The following CALD1 variants were observed in gnomAD, a reference collection of about 807,000 sequenced individuals.
CALD1 encodes caldesmon 1.
In CALD1, 33 loss-of-function variants were observed where a neutral mutation model predicts 99.9. The ratio of observed to expected loss-of-function variants is 0.33; its 90% CI spans 0.25 to 0.44. The LOEUF is 0.44. Ranked by LOEUF, CALD1 falls within the 20% of genes least tolerant of loss-of-function variation. The pLI, the probability that CALD1 is intolerant of heterozygous loss-of-function variation, is 1.00. For synonymous variants in CALD1, 310 were observed against 325.0 expected (o/e 0.95, Z 0.50); for missense variants, 861 against 962.1 (o/e 0.89, Z 1.39).
At chr7:134,891,890 T>A (rs1193011251) in intron 3 of CALD1, among the ~76,000 whole-genome samples, 2 of 152,064 alleles carry the variant, frequency 1.3e-5, no homozygotes, top group East Asian at 3.9e-4. Context: ...ATTCGCTGGC[T>A]TTTCTCGTTT....
rs571321186 is a variant in CALD1 at position 134,934,925 on chromosome 7, G to C, written c.1309-763G>C. On this transcript the variant is annotated intron_variant, in intron 5 of 14. Coordinates refer to ENST00000361675, the MANE Select transcript of CALD1 (RefSeq NM_033138.4). ...AACAAAAAGGCAAAAACAAACCCCTGGAAATTAACTGGTAATAAAGAGGGG... is the reference window on the plus strand; with the variant it reads ...AACAAAAAGGCAAAAACAAACCCCTCGAAATTAACTGGTAATAAAGAGGGG... Among the ~76,000 whole-genome samples, 3 of 151,746 alleles carry C rather than the reference G, an allele frequency of 2.0e-5. No individual in the cohort carries two copies. The South Asian group carries it at 6.2e-4, about 32-fold the overall frequency.
At chr7:134,769,033 C>G (rs1288847022) in intron 1 of CALD1, among the ~76,000 whole-genome samples, 1 of 151,256 alleles carries the variant, frequency 6.6e-6, no homozygotes, top group Non-Finnish European at 1.5e-5. Context: ...GTATAATACC[C>G]CATCCTATTC....
At chr7:134,731,682 A>T in the CALD1 span, among the ~76,000 whole-genome samples, 1 of 150,978 alleles carries the variant, frequency 6.6e-6, no homozygotes, top group East Asian at 1.9e-4. Context: ...TCCAAATATA[A>T]GTTTTTTCTA....
At chr7:134,862,266 G>A (rs1800595329) in intron 2 of CALD1, among the ~76,000 whole-genome samples, 1 of 152,204 alleles carries the variant, frequency 6.6e-6, no homozygotes, top group African/African-American at 2.4e-5. Context: ...GAGAGAAATA[G>A]TGGATTAGTC....
At chr7:134,887,854 CTG>C (rs1250179056) in intron 3 of CALD1, among the ~76,000 whole-genome samples, 8 of 150,176 alleles carry the variant, frequency 5.3e-5, no homozygotes, top group African/African-American at 2.5e-5. Flanking sequence ...GTGTGTGTGC[CTG>C]TGTGTGCATG....
At position 134,941,128 on chromosome 7, in the gene CALD1, A is replaced by G. The variant is rs1806393253; in HGVS notation, c.1423A>G (p.Lys475Glu). ...AAAGATTAAAAAGGACAAAGAACCC[A>G]AAGAAGAAGTTAAGAGCTTCATGGA... ...DEKIKKDKEP[K>E]EEVKSFMDRK... The change falls in exon 7 of 15, where the codon AAA becomes GAA. Residue 475 changes from lysine to glutamate, a missense_variant. Coordinates refer to ENST00000361675, the MANE Select transcript of CALD1 (RefSeq NM_033138.4). The G allele has an allele frequency of 1.9e-6, 3 of 1,612,078 alleles. No individual in the cohort carries two copies. The highest frequency in any genetic ancestry group is 1.3e-5 in the African/African-American group (1 of 74,726).
At chr7:134,729,405 C>A in the CALD1 span, among the ~76,000 whole-genome samples, 3 of 152,224 alleles carry the variant, frequency 2.0e-5, no homozygotes, top group Admixed American at 2.0e-4. Flanking sequence ...TTTCCGATGT[C>A]TACCTGTTTA....
intron 1 of CALD1, among the ~76,000 whole-genome samples, chr7:134,786,384 A>ATTTTG (rs1322565182): frequency 2.0e-5 from 3 of 152,230 alleles, no homozygotes; most frequent in African/African-American, 4.8e-5. Context: ...GAGTGGACTT[A>ATTTTG]AAACATATAA....
chr7:134,812,334 G>C (rs73724862), intron 1 of CALD1, among the ~76,000 whole-genome samples: 6,698 of 152,220 alleles, frequency 0.044, 477 homozygotes, highest in African/African-American at 0.15. Flanking sequence ...TGTGGTTCGA[G>C]TTCTTGTAAC....
chr7:134,969,953 A>G lies in CALD1; in HGVS notation c.*1608A>G, dbSNP rs958412167. ...ACCACACTGAGGGAGCCTCCCAAAT[A>G]ACTATTTTCTTATCTGCAGTATTCC... is the stretch of plus-strand genomic sequence containing the variant. On this transcript the variant is annotated 3_prime_UTR_variant, in exon 15 of 15. Transcript: ENST00000361675. The G allele has an allele frequency of 6.6e-6, 1 of 152,628 alleles. No individual in the cohort carries two copies. Among genetic ancestry groups the G allele is most frequent in the African/African-American group, 2.4e-5 (1 of 41,456 alleles). 9.5% of individuals were successfully genotyped at this position (152,628 alleles called of 1,614,324 possible).
intron 4 of CALD1, among the ~76,000 whole-genome samples, chr7:134,930,667 C>T (rs1805454929): frequency 6.6e-6 from 1 of 152,170 alleles, no homozygotes; most frequent in Non-Finnish European, 1.5e-5. Flanking sequence ...CACTAATTGA[C>T]TTTGACTCCC....
intron 1 of CALD1, among the ~76,000 whole-genome samples, chr7:134,793,040 T>C (rs1432591070): frequency 1.3e-5 from 2 of 152,206 alleles, no homozygotes; most frequent in Non-Finnish European, 2.9e-5. Context: ...TGGACAGCTA[T>C]GAAACCACGG....
intron 2 of CALD1, among the ~76,000 whole-genome samples, chr7:134,850,929 C>T (rs1335150580): frequency 6.6e-6 from 1 of 152,140 alleles, no homozygotes; most frequent in African/African-American, 2.4e-5. Context: ...GGGATTTCCC[C>T]CACACATGCT....
At chr7:134,857,984 T>A (rs1205447681) in intron 2 of CALD1, among the ~76,000 whole-genome samples, 1 of 152,146 alleles carries the variant, frequency 6.6e-6, no homozygotes, top group African/African-American at 2.4e-5. Context: ...TACTTTATAT[T>A]AGCAAGATAG....
At chr7:134,866,481 G>A (rs1274658475) in intron 2 of CALD1, among the ~76,000 whole-genome samples, 1 of 152,108 alleles carries the variant, frequency 6.6e-6, no homozygotes, top group South Asian at 2.1e-4. Context: ...TTTGTTGGCT[G>A]AACTTTTATT....
intron 1 of CALD1, among the ~76,000 whole-genome samples, chr7:134,827,598 T>C (rs996050701): frequency 2.0e-5 from 3 of 152,212 alleles, no homozygotes; most frequent in Non-Finnish European, 2.9e-5. Context: ...AAAGCCTTTC[T>C]GGACTTGGCC....
At chr7:134,890,201 G>C (rs1002826387) in intron 3 of CALD1, among the ~76,000 whole-genome samples, 1 of 152,184 alleles carries the variant, frequency 6.6e-6, no homozygotes, top group African/African-American at 2.4e-5. Context: ...CACCTCGCCT[G>C]GCCTATAAAC....
intron 13 of CALD1, chr7:134,962,199 G>A (rs973997037): frequency 6.6e-6 from 1 of 152,040 alleles, no homozygotes; most frequent in Admixed American, 6.6e-5. Context: ...TCTTTTATCA[G>A]CACTTTAACT....
At chr7:134,729,484 T>C in the CALD1 span, among the ~76,000 whole-genome samples, 1 of 152,164 alleles carries the variant, frequency 6.6e-6, no homozygotes, top group African/African-American at 2.4e-5. Context: ...TAAGTACCCA[T>C]AAACGGGAGA....
Sources: gnomAD v4.1 joint callset for allele counts (sites outside exome capture counted in the v4.1 genomes callset) on GRCh38, gnomAD v4.1.1 for gene constraint, MANE v1.5 for transcripts, NCBI Gene and HGNC (gene_info 2026-07-23, HGNC 2026-07-21) for gene names.